NRG3: variants seen among roughly 807,000 people sequenced by gnomAD.
The protein encoded by NRG3 is neuregulin 3, also known as pro-neuregulin-3, membrane-bound isoform.
In NRG3, 31 loss-of-function variants were observed where a neutral mutation model predicts 66.9. The observed-to-expected ratio is 0.46, with a 90% confidence interval of 0.35 to 0.63. The LOEUF is 0.63. Among genes scored for constraint, NRG3 ranks in the 20% least tolerant of loss-of-function variants. The pLI is 0.00. For synonymous variants in NRG3, 393 were observed against 359.4 expected, an observed-to-expected ratio of 1.09 and a Z score of -1.06; for missense variants, 910 against 878.9, an observed-to-expected ratio of 1.04 and a Z score of -0.45.
At chr10:82,342,234 C>T (rs547357298) in intron 1 of NRG3, among the ~76,000 whole-genome samples, 92 of 151,976 alleles carry the variant, frequency 6.1e-4, no homozygotes, top group African/African-American at 2.0e-3. Context: ...TATGCAAGTA[C>T]AGATATCTTT....
At chr10:82,908,890 T>C (rs1591916148) in intron 4 of NRG3, among the ~76,000 whole-genome samples, 3 of 147,310 alleles carry the variant, frequency 2.0e-5, no homozygotes, top group South Asian at 2.2e-4. Context: ...CCAATGGAGG[T>C]AGTGTAGTGA....
chr10:82,964,762 G>T (rs1430781693), intron 6 of NRG3, among the ~76,000 whole-genome samples: 2 of 152,144 alleles, frequency 1.3e-5, no homozygotes, highest in African/African-American at 4.8e-5. Flanking sequence ...TCCTCCTCCT[G>T]CTTTTATTGC....
intron 3 of NRG3, among the ~76,000 whole-genome samples, chr10:82,805,202 G>C (rs996898549): frequency 6.6e-6 from 1 of 152,180 alleles, no homozygotes; most frequent in Non-Finnish European, 1.5e-5. Flanking sequence ...TGAGTGGTTA[G>C]AGTCTTGGGT....
At chr10:82,224,534 A>T (rs1471816860) in intron 1 of NRG3, among the ~76,000 whole-genome samples, 1 of 152,186 alleles carries the variant, frequency 6.6e-6, no homozygotes, top group Non-Finnish European at 1.5e-5. Flanking sequence ...AACCCAGCAC[A>T]ATTCTTTTAA....
chr10:82,201,261 C>G (rs1245444684), intron 1 of NRG3, among the ~76,000 whole-genome samples: 1 of 150,854 alleles, frequency 6.6e-6, no homozygotes, highest in Admixed American at 6.6e-5. Context: ...CCAGAGGGGC[C>G]TCTAGAAAGG....
Position 82,348,138 on chromosome 10 carries a change from A to G in NRG3, c.824-10601A>G, listed in dbSNP as rs551215717. 3.1e-4 allele frequency among the ~76,000 whole-genome samples: 47 copies of G among 152,164 alleles called. No homozygotes were observed. The South Asian group carries it at 4.8e-3, about 15-fold the overall frequency. On this transcript the variant is annotated intron_variant, in intron 1 of 8. Transcript: ENST00000372141. ...ATGTTAGCTGGTTATTTTGCTCGTT[A>G]GTTGATGCAGTTTCTTCCTAGCCTC...
At chr10:82,593,466 G>A (rs1391534980) in intron 2 of NRG3, among the ~76,000 whole-genome samples, 2 of 152,182 alleles carry the variant, frequency 1.3e-5, no homozygotes. Flanking sequence ...ATGCTGTAGT[G>A]AGAATTCTTT....
intron 1 of NRG3, among the ~76,000 whole-genome samples, chr10:81,919,512 T>C (rs193077584): frequency 0.031 from 4,700 of 151,992 alleles, 271 homozygotes; most frequent in African/African-American, 0.11. Context: ...ATTAACTTCA[T>C]CATCATCATC....
rs372707997 is a variant in NRG3, at chr10:82,156,124, T to C, written c.824-202615T>C. On this transcript the variant is annotated intron_variant, in intron 1 of 8. Coordinates refer to ENST00000372141, the MANE Select transcript of NRG3 (RefSeq NM_001010848.4). ...GACTAGGGTACTTGTGCTAACATTG[T>C]CCTCCTTATTAAATTGGACATACAT... Among the ~76,000 whole-genome samples, 9 of 151,830 alleles carry C rather than the reference T, an allele frequency of 5.9e-5. 1 individual carries two copies. The highest frequency in any genetic ancestry group is 2.2e-4 in the African/African-American group (9 of 41,526).
chr10:82,336,030 C>T (rs1183997998), intron 1 of NRG3, among the ~76,000 whole-genome samples: 2 of 152,132 alleles, frequency 1.3e-5, no homozygotes, highest in Admixed American at 1.3e-4. Context: ...AATGCATAAA[C>T]AGATGAGCTC....
chr10:82,007,796 C>T (rs1371915358), intron 1 of NRG3, among the ~76,000 whole-genome samples: 1 of 152,048 alleles, frequency 6.6e-6, no homozygotes, highest in Admixed American at 6.5e-5. Flanking sequence ...GAAACAATAC[C>T]TATTTATATG....
chr10:81,926,937 T>A (rs1589483114), intron 1 of NRG3, among the ~76,000 whole-genome samples: 1 of 152,290 alleles, frequency 6.6e-6, no homozygotes. Context: ...CTCAGTAAGA[T>A]AAAGTGCATA....
At chr10:82,775,022 T>G (rs1194011665) in intron 3 of NRG3, among the ~76,000 whole-genome samples, 5 of 151,962 alleles carry the variant, frequency 3.3e-5, no homozygotes, top group East Asian at 1.9e-4. Flanking sequence ...AGACAGAGTT[T>G]TGCCATGTTG....
intron 1 of NRG3, among the ~76,000 whole-genome samples, chr10:82,093,884 T>G (rs751272300): frequency 5.9e-5 from 9 of 152,238 alleles, no homozygotes; most frequent in Non-Finnish European, 1.2e-4. Context: ...ACTTGTCTTG[T>G]CAACTGTCCT....
chr10:82,773,498 T>C (rs572983940), intron 3 of NRG3, among the ~76,000 whole-genome samples: 30 of 152,344 alleles, frequency 2.0e-4, no homozygotes, highest in Non-Finnish European at 2.4e-4. Context: ...CCTTATCAGA[T>C]ATATAGCTTG....
intron 1 of NRG3, among the ~76,000 whole-genome samples, chr10:82,026,557 G>A (rs1482612695): frequency 6.6e-6 from 1 of 151,932 alleles, no homozygotes; most frequent in Non-Finnish European, 1.5e-5. Flanking sequence ...TGTTAGTATT[G>A]ACTATTTTGG....
chr10:81,969,667 T>C (rs928498309), intron 1 of NRG3, among the ~76,000 whole-genome samples: 34 of 152,306 alleles, frequency 2.2e-4, no homozygotes, highest in Middle Eastern at 3.4e-3. Context: ...AGAAAGCACA[T>C]ATAGTATCAG....
At chr10:82,693,677 C>T (rs944433621) in intron 2 of NRG3, among the ~76,000 whole-genome samples, 1 of 152,112 alleles carries the variant, frequency 6.6e-6, no homozygotes, top group Non-Finnish European at 1.5e-5. Flanking sequence ...AGAATGAAGC[C>T]ACGGACCTTG....
chr10:82,315,364 C>T (rs1242010355), intron 1 of NRG3, among the ~76,000 whole-genome samples: 1 of 152,174 alleles, frequency 6.6e-6, no homozygotes, highest in Non-Finnish European at 1.5e-5. Flanking sequence ...GGAACGATTT[C>T]AGTTTTCAAA....
Sources: gnomAD v4.1 joint callset for allele counts (sites outside exome capture counted in the v4.1 genomes callset) on GRCh38, gnomAD v4.1.1 for gene constraint, MANE v1.5 for transcripts, NCBI Gene and HGNC (gene_info 2026-07-23, HGNC 2026-07-21) for gene names.